Variants in SLIT3 observed in about 807,000 individuals in gnomAD.
SLIT3 encodes the protein slit homolog 3 protein.
In SLIT3, 68 loss-of-function variants were observed where a neutral mutation model predicts 184.0. The ratio of observed to expected loss-of-function variants is 0.37; its 90% CI spans 0.30 to 0.45. SLIT3 has a LOEUF of 0.45. Among genes scored for constraint, SLIT3 ranks in the 20% least tolerant of loss-of-function variants. SLIT3 has a pLI of 1.00. For synonymous variants in SLIT3, 831 were observed against 828.6 expected (o/e 1.00, Z -0.05); for missense variants, 1,707 against 2,026.0 (o/e 0.84, Z 3.02).
At chr5:168,960,007 G>C (rs1762951670) in intron 4 of SLIT3, among the ~76,000 whole-genome samples, 1 of 152,194 alleles carries the variant, frequency 6.6e-6, no homozygotes, top group Admixed American at 6.5e-5. Context: ...GCAGAGCCAG[G>C]AATCAGTCAT....
At chr5:169,136,185 G>A (rs1469055433) in intron 4 of SLIT3, among the ~76,000 whole-genome samples, 1 of 152,186 alleles carries the variant, frequency 6.6e-6, no homozygotes, top group Non-Finnish European at 1.5e-5. Flanking sequence ...TCCAGATCAG[G>A]CCTCAGAAAT....
chr5:169,253,087 A>T (rs1289721156), intron 1 of SLIT3, among the ~76,000 whole-genome samples: 1 of 152,126 alleles, frequency 6.6e-6, no homozygotes, highest in Non-Finnish European at 1.5e-5. Context: ...TTAGAAGAAA[A>T]AAAAAAAAGC....
intron 1 of SLIT3, among the ~76,000 whole-genome samples, chr5:169,293,140 G>A (rs1029443936): frequency 3.3e-5 from 5 of 152,044 alleles, no homozygotes; most frequent in African/African-American, 1.2e-4. Flanking sequence ...CCGGTAAATG[G>A]GTGGTGAGAA....
At chr5:168,882,895 A>G (rs1355101046) in intron 5 of SLIT3, among the ~76,000 whole-genome samples, 3 of 152,072 alleles carry the variant, frequency 2.0e-5, no homozygotes. Flanking sequence ...GCACTAAGAT[A>G]TTTCTTCCTT....
chr5:169,136,073 G>T (rs1489217692), intron 4 of SLIT3, among the ~76,000 whole-genome samples: 2 of 152,156 alleles, frequency 1.3e-5, no homozygotes, highest in Admixed American at 1.3e-4. Context: ...ACCAGAAGGG[G>T]AGAACTAGAA....
At chr5:169,128,554 G>A (rs1482772474) in intron 4 of SLIT3, among the ~76,000 whole-genome samples, 2 of 151,940 alleles carry the variant, frequency 1.3e-5, no homozygotes, top group Non-Finnish European at 2.9e-5. Flanking sequence ...TCAGCTTCCC[G>A]AGTAGTTGGG....
intron 4 of SLIT3, among the ~76,000 whole-genome samples, chr5:168,937,931 T>C (rs1363852463): frequency 1.3e-5 from 2 of 152,042 alleles, no homozygotes; most frequent in African/African-American, 4.8e-5. Context: ...AAGCTTCTGA[T>C]CAGAAATACC....
At chr5:168,710,804 C>T (rs1762530548) in intron 25 of SLIT3, 91 bp downstream of exon 25, 2 of 1,160,256 alleles carry the variant, frequency 1.7e-6, no homozygotes, top group Non-Finnish European at 2.3e-6. Flanking sequence ...TCTGAAGCCA[C>T]ATCTGTTGAG....
intron 4 of SLIT3, among the ~76,000 whole-genome samples, chr5:169,164,970 G>C (rs1476311655): frequency 6.6e-6 from 1 of 152,218 alleles, no homozygotes. Context: ...GCCAATCTGG[G>C]GAGCCAGACC....
Position 168,753,039 on chromosome 5 carries a change from G to A in SLIT3, c.1889C>T (p.Ser630Leu), listed in dbSNP as rs768736861. Reference protein sequence around the residue: ...VSNDTFAGLSSVRLLSLYDNR... With the variant: ...VSNDTFAGLSLVRLLSLYDNR... Reference sequence around the variant, plus strand: ...GTCATAGAGGGACAGCAGTCTCACCGAACTCAGGCCGGCAAAGGTGTCATT... The same window carrying A: ...GTCATAGAGGGACAGCAGTCTCACCAAACTCAGGCCGGCAAAGGTGTCATT... The change falls in exon 18 of 36, where the codon TCG becomes TTG. Residue 630 changes from serine to leucine, a missense_variant. Ser to Leu is a moderately radical substitution (Grantham distance 145). Coordinates refer to ENST00000519560, the MANE Select transcript of SLIT3 (RefSeq NM_003062.4). 1.6e-5 allele frequency: 26 copies of A among 1,613,928 alleles called. No homozygotes were observed. The highest frequency in any genetic ancestry group is 2.2e-5 in the South Asian group (2 of 91,070).
chr5:168,778,837 C>T (rs1487077807), intron 12 of SLIT3, among the ~76,000 whole-genome samples: 1 of 152,224 alleles, frequency 6.6e-6, no homozygotes, highest in Non-Finnish European at 1.5e-5. Context: ...CTCACTTCAG[C>T]CCAATCTGCT....
At chr5:169,178,907 A>G (rs1763063713) in intron 4 of SLIT3, among the ~76,000 whole-genome samples, 1 of 152,218 alleles carries the variant, frequency 6.6e-6, no homozygotes, top group East Asian at 1.9e-4. Context: ...GAGAGTCTCA[A>G]GAGCTCACAT....
chr5:168,802,184 T>C (rs1756789954), intron 9 of SLIT3, among the ~76,000 whole-genome samples: 1 of 151,948 alleles, frequency 6.6e-6, no homozygotes, highest in Non-Finnish European at 1.5e-5. Flanking sequence ...GTCTTTGGAA[T>C]GATAAATCAG....
chr5:168,691,113 T>G (rs982494777), intron 29 of SLIT3, among the ~76,000 whole-genome samples: 19 of 152,260 alleles, frequency 1.2e-4, no homozygotes, highest in African/African-American at 4.6e-4. Flanking sequence ...TTCTAAATAT[T>G]TGCTCAGTGT....
intron 20 of SLIT3, among the ~76,000 whole-genome samples, chr5:168,725,149 G>C (rs1341728132): frequency 6.6e-6 from 1 of 152,066 alleles, no homozygotes; most frequent in Non-Finnish European, 1.5e-5. Context: ...AGGGGACAGG[G>C]GTTCAGAGTG....
At chr5:169,207,582 G>T (rs977476351) in intron 3 of SLIT3, among the ~76,000 whole-genome samples, 1 of 152,186 alleles carries the variant, frequency 6.6e-6, no homozygotes, top group Admixed American at 6.5e-5. Context: ...AAATCATGAT[G>T]TGTTTGATGT....
chr5:168,775,246 C>G (rs1755703133), intron 12 of SLIT3, among the ~76,000 whole-genome samples: 1 of 151,926 alleles, frequency 6.6e-6, no homozygotes, highest in Non-Finnish European at 1.5e-5. Context: ...CCATGTTGGC[C>G]AGGCTGGTCT....
At chr5:168,848,053 C>A (rs971196853) in intron 5 of SLIT3, among the ~76,000 whole-genome samples, 1 of 152,192 alleles carries the variant, frequency 6.6e-6, no homozygotes, top group Non-Finnish European at 1.5e-5. Context: ...TTTTCCTGGG[C>A]CATAAGAAGT....
At chr5:169,137,208 G>T (rs1761537332) in intron 4 of SLIT3, among the ~76,000 whole-genome samples, 1 of 151,998 alleles carries the variant, frequency 6.6e-6, no homozygotes. Context: ...CTACGGATGG[G>T]ATAGGAACTT....
Sources: gnomAD v4.1 joint callset for allele counts (sites outside exome capture counted in the v4.1 genomes callset) on GRCh38, gnomAD v4.1.1 for gene constraint, MANE v1.5 for transcripts, NCBI Gene and HGNC (gene_info 2026-07-23, HGNC 2026-07-21) for gene names.